DLG2: variants seen among roughly 807,000 people sequenced by gnomAD.
DLG2 encodes disks large homolog 2.
DLG2 carries 45 observed loss-of-function variants against 132.5 expected under a neutral mutation model. The observed-to-expected ratio is 0.34, with a 90% CI of 0.27 to 0.44. DLG2 has a LOEUF of 0.44. Among genes scored for constraint, DLG2 ranks in the 20% least tolerant of loss-of-function variants. DLG2 has a pLI of 1.00. For synonymous variants in DLG2, 424 were observed against 419.6 expected (o/e 1.01, Z -0.13); for missense variants, 1,045 against 1,196.9 (o/e 0.87, Z 1.87).
At chr11:85,438,414 T>C (rs913733559) in intron 3 of DLG2, among the ~76,000 whole-genome samples, 4 of 152,218 alleles carry the variant, frequency 2.6e-5, no homozygotes, top group African/African-American at 9.6e-5. Flanking sequence ...TGCCCTGATA[T>C]ATTTTAAAAT....
At chr11:83,782,603 G>A (rs2094877853) in intron 18 of DLG2, among the ~76,000 whole-genome samples, 1 of 152,172 alleles carries the variant, frequency 6.6e-6, no homozygotes, top group Non-Finnish European at 1.5e-5. Context: ...AGGTGGAAAG[G>A]GAGAAAGGCA....
intron 9 of DLG2, among the ~76,000 whole-genome samples, chr11:84,108,791 A>AC (rs57352603): frequency 0.74 from 112,874 of 151,868 alleles, 43,384 homozygotes; most frequent in Middle Eastern, 0.89. Flanking sequence ...GAGAACAGAG[A>AC]GGCAAGTTGC....
At chr11:84,665,463 A>T (rs190738011) in intron 6 of DLG2, among the ~76,000 whole-genome samples, 2 of 152,228 alleles carry the variant, frequency 1.3e-5, no homozygotes, top group African/African-American at 4.8e-5. Context: ...CCAAATATTC[A>T]TATATTCAAA....
At chr11:84,267,486 A>G (rs913347434) in intron 7 of DLG2, among the ~76,000 whole-genome samples, 2 of 152,188 alleles carry the variant, frequency 1.3e-5, no homozygotes, top group African/African-American at 2.4e-5. Flanking sequence ...TTCCTGTACC[A>G]CTAGTCACTA....
chr11:84,209,656 T>A (rs1484858252), intron 8 of DLG2, among the ~76,000 whole-genome samples: 1 of 151,934 alleles, frequency 6.6e-6, no homozygotes, highest in Non-Finnish European at 1.5e-5. Context: ...GGACAAACAC[T>A]TGGACCAACA....
At chr11:84,420,645 GTTTTCTTTTT>G (rs2098945966) in intron 7 of DLG2, among the ~76,000 whole-genome samples, 5 of 48,916 alleles carry the variant, frequency 1.0e-4, no homozygotes, top group Admixed American at 3.2e-4. Context: ...ACCAATGCTT[GTTTTCTTTTT>G]TTTTTTTTTT....
chr11:84,273,415 C>T, intron 7 of DLG2: 2 of 1,210,250 alleles, frequency 1.7e-6, no homozygotes, highest in Non-Finnish European at 2.1e-6. Context: ...TTAATCAGAA[C>T]ATTTCTTTTG....
At chr11:84,434,673 T>C (rs1270370658) in intron 7 of DLG2, among the ~76,000 whole-genome samples, 1 of 152,108 alleles carries the variant, frequency 6.6e-6, no homozygotes, top group Non-Finnish European at 1.5e-5. Context: ...ATTATGATGG[T>C]CATTTTGTGA....
intron 18 of DLG2, among the ~76,000 whole-genome samples, chr11:83,782,921 G>A (rs1226274723): frequency 2.6e-5 from 4 of 152,196 alleles, no homozygotes; most frequent in African/African-American, 9.7e-5. Context: ...CTTCTGTGAA[G>A]TGGCATTACA....
chr11:83,828,055 G>C (rs373889497), intron 17 of DLG2, among the ~76,000 whole-genome samples: 2 of 152,074 alleles, frequency 1.3e-5, no homozygotes, highest in East Asian at 3.8e-4. Flanking sequence ...TGGGGATAAG[G>C]GGTAGGCCTG....
chr11:84,604,519 T>A (rs2099582116), intron 6 of DLG2, among the ~76,000 whole-genome samples: 1 of 151,994 alleles, frequency 6.6e-6, no homozygotes, highest in South Asian at 2.1e-4. Flanking sequence ...TCATTTCATC[T>A]TCCTGATTTA....
intron 4 of DLG2, among the ~76,000 whole-genome samples, chr11:85,272,303 T>C (rs951751993): frequency 1.3e-5 from 2 of 152,190 alleles, no homozygotes; most frequent in Non-Finnish European, 1.5e-5. Context: ...AACCTCTTTC[T>C]TTTGTAAGTT....
intron 4 of DLG2, among the ~76,000 whole-genome samples, chr11:85,207,013 C>A (rs533480418): frequency 5.3e-5 from 8 of 152,102 alleles, no homozygotes; most frequent in Non-Finnish European, 8.8e-5. Flanking sequence ...ATCTCATCAT[C>A]GACTGGACAT....
At chr11:84,273,666 A>T (rs1374654018) in intron 7 of DLG2, among the ~76,000 whole-genome samples, 1 of 152,188 alleles carries the variant, frequency 6.6e-6, no homozygotes, top group East Asian at 1.9e-4. Flanking sequence ...AGCTTGTGAA[A>T]AGTAGTAACA....
At chr11:83,852,987 T>C (rs766298903) in intron 16 of DLG2, among the ~76,000 whole-genome samples, 13 of 152,214 alleles carry the variant, frequency 8.5e-5, no homozygotes, top group Non-Finnish European at 1.6e-4. Context: ...AACTATTTCC[T>C]TTAGTCACAG....
At chr11:85,045,249 G>A (rs1223836542) in intron 6 of DLG2, among the ~76,000 whole-genome samples, 1 of 152,002 alleles carries the variant, frequency 6.6e-6, no homozygotes, top group Non-Finnish European at 1.5e-5. Context: ...CCAAGGTTTA[G>A]TTAGCAGACC....
chr11:84,471,597 G>A (rs1405419968), intron 7 of DLG2, among the ~76,000 whole-genome samples: 1 of 151,708 alleles, frequency 6.6e-6, no homozygotes, highest in African/African-American at 2.4e-5. Context: ...TTCCGTAGCA[G>A]CAATTTTAAA....
intron 9 of DLG2, among the ~76,000 whole-genome samples, chr11:84,160,135 G>A (rs2095514180): frequency 6.6e-6 from 1 of 152,074 alleles, no homozygotes; most frequent in African/African-American, 2.4e-5. Flanking sequence ...AGAATTGGGA[G>A]TCATCAGTTG....
rs186404241 is a variant in DLG2, at chr11:85,609,218, T to G, written c.-92-10430A>C. ...GAGGCCTTAAGAAAATATACTCCCCTGTCACCCAACTCACTACGGGGTCAA... is the reference window on the plus strand; with the variant it reads ...GAGGCCTTAAGAAAATATACTCCCCGGTCACCCAACTCACTACGGGGTCAA... On this transcript the variant is annotated intron_variant, in intron 2 of 27. Transcript: ENST00000376104. 1.1e-4 allele frequency among the ~76,000 whole-genome samples: 17 copies of G among 152,330 alleles called. No homozygotes were observed. The East Asian group carries it at 2.9e-3, about 26-fold the overall frequency.
Sources: allele counts gnomAD v4.1 joint callset (sites outside exome capture counted in the v4.1 genomes callset), GRCh38; gene constraint gnomAD v4.1.1; transcripts MANE v1.5; gene names NCBI Gene and HGNC (gene_info 2026-07-23, HGNC 2026-07-21).